The following OR4C15 variants were observed in gnomAD, a reference collection of about 807,000 sequenced individuals.
OR4C15 encodes the protein olfactory receptor 4C15.
For missense variants in OR4C15, 697 were observed against 377.5 expected, an observed-to-expected ratio of 1.85 and a Z score of -7.01; for synonymous variants, 216 against 134.0, an observed-to-expected ratio of 1.61 and a Z score of -4.22.
Position 55,554,720 on chromosome 11 carries a change from C to T in OR4C15, c.252C>T (p.Ser84=). 1.9e-6 allele frequency: 3 copies of T among 1,613,702 alleles called. No homozygotes were observed. Among genetic ancestry groups the T allele is most frequent in the South Asian group, 2.2e-5 (2 of 91,076 alleles). ...TCACCCCAAAGATGATTGTAGACTCCCTCTATGTGACAAAAACCATCTCTT... is the reference window on the plus strand; with the variant it reads ...TCACCCCAAAGATGATTGTAGACTCTCTCTATGTGACAAAAACCATCTCTT... ...SVITPKMIVD[S]LYVTKTISFE... The change falls in exon 1 of 1, where the codon TCC becomes TCT. Residue 84 remains serine, a synonymous_variant. Transcript: ENST00000642128.
rs143337123 is a variant in OR4C15, at chr11:55,554,974, G to T, written c.506G>T (p.Gly169Val). ...ILFTFQLPFC[G>V]PNVINHFMCD... ...TTTACTTTCCAGCTTCCCTTTTGTG[G>T]CCCCAATGTCATCAATCACTTTATG... The change falls in exon 1 of 1, where the codon GGC becomes GTC. Residue 169 changes from glycine to valine, a missense_variant. By Grantham distance (109) the Gly-to-Val change is moderately radical. Coordinates refer to ENST00000642128, the MANE Select transcript of OR4C15 (RefSeq NM_001001920.3). 1.2e-6 allele frequency: 2 copies of T among 1,613,750 alleles called. No individual in the cohort carries two copies. Among genetic ancestry groups the T allele is most frequent in the Non-Finnish European group, 1.7e-6 (2 of 1,179,924 alleles).
chr11:55,554,604 A>G lies in OR4C15; in HGVS notation c.136A>G (p.Thr46Ala). 6.2e-7 allele frequency: 1 copy of G among 1,613,894 alleles called. No individual in the cohort carries two copies. The highest frequency in any genetic ancestry group is 8.5e-7 in the Non-Finnish European group (1 of 1,179,946). Residue 46 changes from threonine to alanine, a missense_variant, in exon 1 of 1, where the codon ACC (threonine) becomes GCC (alanine). Thr to Ala is a moderately conservative substitution (Grantham distance 58). Coordinates refer to ENST00000642128, the MANE Select transcript of OR4C15 (RefSeq NM_001001920.3). ...TVGGNMLIVV[T>A]ILSSPALLVS... is the part of the protein sequence containing the mutation. ...TGGGGGCAACATGCTAATTGTAGTA[A>G]CCATTCTCAGCAGCCCTGCTCTTCT...
rs1296179175 is a variant in OR4C15 at position 55,554,885 on chromosome 11, C to T, written c.417C>T (p.Leu139=). 1.2e-6 allele frequency: 2 copies of T among 1,613,970 alleles called. No homozygotes were observed. Among genetic ancestry groups the T allele is most frequent in the Non-Finnish European group, 1.7e-6 (2 of 1,179,930 alleles). The change falls in exon 1 of 1, where the codon CTC becomes CTT. Residue 139 remains leucine, a synonymous_variant. Transcript: ENST00000642128. ...LHYSSIMNRR[L]CGILMGVAWT... is the part of the protein sequence containing the mutation. ...ACTCTTCTATCATGAACAGGAGGCT[C>T]TGTGGCATTCTGATGGGGGTAGCCT...
chr11:55,554,800 T>C lies in OR4C15; in HGVS notation c.332T>C (p.Val111Ala). The change falls in exon 1 of 1, where the codon GTG becomes GCG. Residue 111 changes from valine to alanine, a missense_variant. Coordinates refer to ENST00000642128, the MANE Select transcript of OR4C15 (RefSeq NM_001001920.3). The stretch of plus-strand genomic sequence containing the variant: ...GAACACTTCTTTGCTGGGGTGGAGG[T>C]GATTGTCCTCACAGCCATGGCCTAT... ...FAEHFFAGVE[V>A]IVLTAMAYDR... The C allele has an allele frequency of 6.2e-7, 1 of 1,613,860 alleles. No individual in the cohort carries two copies. The highest frequency in any genetic ancestry group is 8.5e-7 in the Non-Finnish European group (1 of 1,179,934).
chr11:55,555,243 C>T lies in OR4C15; in HGVS notation c.775C>T (p.Arg259Ter), dbSNP rs757876904. ...FFVPCIFVYT[R>*]PPSAFSLDKM... ...TGTCCCATGCATATTTGTATATACACGACCTCCATCTGCTTTTTCCCTTGA... is the reference window on the plus strand; with the variant it reads ...TGTCCCATGCATATTTGTATATACATGACCTCCATCTGCTTTTTCCCTTGA... The change falls in exon 1 of 1, where the codon CGA becomes TGA. Residue 259 changes from arginine (R) to a stop codon, truncating the protein, a stop_gained. Transcript: ENST00000642128. LOFTEE classifies it low-confidence loss of function (END_TRUNC). 40 of 1,613,710 alleles carry T rather than the reference C, an allele frequency of 2.5e-5. No individual in the cohort carries two copies. Among genetic ancestry groups the T allele is most frequent in the Admixed American group, 1.5e-4 (9 of 59,950 alleles).
Position 55,554,543 on chromosome 11 carries a change from A to G in OR4C15, c.75A>G (p.Val25=). The change falls in exon 1 of 1, where the codon GTA becomes GTG. Residue 25 remains valine (V), a synonymous_variant. Coordinates refer to ENST00000642128, the MANE Select transcript of OR4C15 (RefSeq NM_001001920.3). ...LSQNPNVQEI[V]FVVFLFVYIA... is the part of the protein sequence containing the mutation. The stretch of plus-strand genomic sequence containing the variant: ...AGAATCCAAATGTTCAGGAAATAGT[A>G]TTTGTTGTATTTTTGTTTGTCTACA... 1 of 1,613,946 alleles carries G rather than the reference A, an allele frequency of 6.2e-7. No individual in the cohort carries two copies. Among genetic ancestry groups the G allele is most frequent in the Non-Finnish European group, 8.5e-7 (1 of 1,179,936 alleles).
rs763512969 is a variant in OR4C15 at position 55,555,406 on chromosome 11, A to T, written c.938A>T (p.Asn313Ile). 1 of 1,574,804 alleles carries T rather than the reference A, an allele frequency of 6.3e-7. No individual in the cohort carries two copies. The highest frequency in any genetic ancestry group is 1.4e-5 in the African/African-American group (1 of 72,852). Residue 313 changes from asparagine to isoleucine, a missense_variant, in exon 1 of 1, where the codon AAT (asparagine) becomes ATT (isoleucine). Physicochemically the swap from Asn to Ile is moderately radical, Grantham distance 149. Transcript: ENST00000642128. Reference protein sequence around the residue: ...RLMVVSDEKENIKL With the variant: ...RLMVVSDEKEIIKL ...ATGGTGGTTTCTGATGAGAAAGAAA[A>T]TATTAAACTTTAAAAAATCCAAAGT...
chr11:55,555,118 A>C lies in OR4C15; in HGVS notation c.650A>C (p.Tyr217Ser). The C allele has an allele frequency of 6.2e-7, 1 of 1,613,908 alleles. No homozygotes were observed. Among genetic ancestry groups the C allele is most frequent in the Non-Finnish European group, 8.5e-7 (1 of 1,179,948 alleles). The change falls in exon 1 of 1, where the codon TAT becomes TCT. Residue 217 changes from tyrosine to serine, a missense_variant. Tyr to Ser is a moderately radical substitution (Grantham distance 144). Coordinates refer to ENST00000642128, the MANE Select transcript of OR4C15 (RefSeq NM_001001920.3). ...IINFSLLLVS[Y>S]AVILLSLRTH... is the part of the protein sequence containing the mutation. ...AACTTCTCCTTGTTGCTTGTCTCCT[A>C]TGCTGTCATCTTGCTCTCTCTGAGA...
In OR4C15 at chr11:55,554,866, C is replaced by T. The variant is rs1038885147; in HGVS notation, c.398C>T (p.Ser133Phe). ...VAICKPLHYS[S>F]IMNRRLCGIL... The stretch of plus-strand genomic sequence containing the variant: ...ATTTGCAAGCCCTTGCATTACTCTT[C>T]TATCATGAACAGGAGGCTCTGTGGC... The change falls in exon 1 of 1, where the codon TCT (serine) becomes TTT (phenylalanine). Residue 133 changes from serine (S) to phenylalanine (F), a missense_variant. Transcript: ENST00000642128. 1.9e-6 allele frequency: 3 copies of T among 1,613,974 alleles called. No homozygotes were observed. Among genetic ancestry groups the T allele is most frequent in the Non-Finnish European group, 2.5e-6 (3 of 1,179,938 alleles).
Position 55,554,635 on chromosome 11 carries a change from C to T in OR4C15, c.167C>T (p.Ser56Phe). Residue 56 changes from serine (S) to phenylalanine (F), a missense_variant, in exon 1 of 1, where the codon TCT (serine) becomes TTT (phenylalanine). By Grantham distance (155) the Ser-to-Phe change is radical (BLOSUM62 -2). Transcript: ENST00000642128. ...TILSSPALLVSPMYFFLGFLS... is the reference protein window; with the variant it reads ...TILSSPALLVFPMYFFLGFLS... ...CTCAGCAGCCCTGCTCTTCTGGTGT[C>T]TCCTATGTACTTCTTCTTGGGCTTC... 6.2e-7 allele frequency: 1 copy of T among 1,613,760 alleles called. No homozygotes were observed. Among genetic ancestry groups the T allele is most frequent in the Non-Finnish European group, 8.5e-7 (1 of 1,179,946 alleles).
chr11:55,554,587 A>T lies in OR4C15; in HGVS notation c.119A>T (p.Asn40Ile), dbSNP rs766651765. 6.2e-7 allele frequency: 1 copy of T among 1,613,872 alleles called. No homozygotes were observed. The highest frequency in any genetic ancestry group is 8.5e-7 in the Non-Finnish European group (1 of 1,179,964). The change falls in exon 1 of 1, where the codon AAC (asparagine) becomes ATC (isoleucine). Residue 40 changes from asparagine (N) to isoleucine (I), a missense_variant. Coordinates refer to ENST00000642128, the MANE Select transcript of OR4C15 (RefSeq NM_001001920.3). ...LFVYIATVGG[N>I]MLIVVTILSS... is the part of the protein sequence containing the mutation. The stretch of plus-strand genomic sequence containing the variant: ...GTCTACATTGCAACTGTTGGGGGCA[A>T]CATGCTAATTGTAGTAACCATTCTC...
Position 55,555,234 on chromosome 11 carries a change from G to T in OR4C15, c.766G>T (p.Val256Leu), listed in dbSNP as rs150782991. Residue 256 changes from valine to leucine, a missense_variant, in exon 1 of 1, where the codon GTA becomes TTA. By Grantham distance (32) the Val-to-Leu change is conservative (BLOSUM62 1). Coordinates refer to ENST00000642128, the MANE Select transcript of OR4C15 (RefSeq NM_001001920.3). ...VILFFVPCIF[V>L]YTRPPSAFSL... ...TTTGTTCTTTGTCCCATGCATATTT[G>T]TATATACACGACCTCCATCTGCTTT... is the stretch of plus-strand genomic sequence containing the variant. 2.2e-4 allele frequency: 360 copies of T among 1,613,674 alleles called. No individual in the cohort carries two copies. The highest frequency in any genetic ancestry group is 2.7e-4 in the Non-Finnish European group (314 of 1,179,918).
chr11:55,554,696 C>A lies in OR4C15; in HGVS notation c.228C>A (p.Ile76=), dbSNP rs1213191223. 1 of 1,613,534 alleles carries A rather than the reference C, an allele frequency of 6.2e-7. No homozygotes were observed. Among genetic ancestry groups the A allele is most frequent in the Admixed American group, 1.7e-5 (1 of 59,984 alleles). The change falls in exon 1 of 1, where the codon ATC becomes ATA. Residue 76 remains isoleucine, a synonymous_variant. Coordinates refer to ENST00000642128, the MANE Select transcript of OR4C15 (RefSeq NM_001001920.3). ...TGGATGCGTGCTTCTCATCTGTCAT[C>A]ACCCCAAAGATGATTGTAGACTCCC... is the stretch of plus-strand genomic sequence containing the variant. ...SFLDACFSSV[I]TPKMIVDSLY...
rs1565045907 is a variant in OR4C15, at chr11:55,555,077, GT to G, written c.612del (p.Phe204LeufsTer5). ...FGLMVVINSGFICIINFSLLL... is the reference protein window; with the variant it reads ...FGLMVVINSGXICIINFSLLL... ...GCCTCATGGTGGTCATCAACAGTGG[GT>G]TTATCTGCATCATAAACTTCTCCTT... On this transcript the variant is annotated frameshift_variant, in exon 1 of 1. Coordinates refer to ENST00000642128, the MANE Select transcript of OR4C15 (RefSeq NM_001001920.3). LOFTEE classifies it low-confidence loss of function (END_TRUNC). 1 of 1,613,844 alleles carries G rather than the reference GT, an allele frequency of 6.2e-7. No homozygotes were observed. Among genetic ancestry groups the G allele is most frequent in the Admixed American group, 1.7e-5 (1 of 59,924 alleles).
In OR4C15 at chr11:55,555,030, T is replaced by C; in HGVS notation, c.562T>C (p.Cys188Arg). 4 of 1,613,922 alleles carry C rather than the reference T, an allele frequency of 2.5e-6. No individual in the cohort carries two copies. Among genetic ancestry groups the C allele is most frequent in the Non-Finnish European group, 3.4e-6 (4 of 1,179,936 alleles). ...CTTGTACCCGTTACTGGAGCTTGCC[T>C]GCACTGATACTCACATCTTTGGCCT... ...CDLYPLLELA[C>R]TDTHIFGLMV... is the part of the protein sequence containing the mutation. Residue 188 changes from cysteine to arginine, a missense_variant, in exon 1 of 1, where the codon TGC becomes CGC. Cys to Arg is a radical substitution (Grantham distance 180). Coordinates refer to ENST00000642128, the MANE Select transcript of OR4C15 (RefSeq NM_001001920.3).
chr11:55,555,277 C>T lies in OR4C15; in HGVS notation c.809C>T (p.Ala270Val), dbSNP rs372897529. 174 of 1,613,820 alleles carry T rather than the reference C, an allele frequency of 1.1e-4. 1 individual carries two copies. The highest frequency in any genetic ancestry group is 1.6e-4 in the East Asian group (7 of 44,860). The change falls in exon 1 of 1, where the codon GCG (alanine) becomes GTG (valine). Residue 270 changes from alanine to valine, a missense_variant. By Grantham distance (64) the Ala-to-Val change is moderately conservative (BLOSUM62 0). Transcript: ENST00000642128. ...TCTGCTTTTTCCCTTGACAAAATGG[C>T]GGCAATATTTTATATCATCTTAAAT... ...PPSAFSLDKM[A>V]AIFYIILNPL...
At position 55,554,599 on chromosome 11, in the gene OR4C15, T is replaced by C. The variant is rs763995299; in HGVS notation, c.131T>C (p.Val44Ala). 8 of 1,613,988 alleles carry C rather than the reference T, an allele frequency of 5.0e-6. No homozygotes were observed. The highest frequency in any genetic ancestry group is 6.8e-6 in the Non-Finnish European group (8 of 1,179,952). The change falls in exon 1 of 1, where the codon GTA becomes GCA. Residue 44 changes from valine (V) to alanine (A), a missense_variant. Physicochemically the swap from Val to Ala is moderately conservative, Grantham distance 64. Transcript: ENST00000642128. ...ACTGTTGGGGGCAACATGCTAATTG[T>C]AGTAACCATTCTCAGCAGCCCTGCT... ...IATVGGNMLI[V>A]VTILSSPALL...
Position 55,555,286 on chromosome 11 carries a change from T to C in OR4C15, c.818T>C (p.Phe273Ser). 6.2e-7 allele frequency: 1 copy of C among 1,613,956 alleles called. No individual in the cohort carries two copies. The highest frequency in any genetic ancestry group is 8.5e-7 in the Non-Finnish European group (1 of 1,179,924). ...TCCCTTGACAAAATGGCGGCAATATTTTATATCATCTTAAATCCCTTGCTC... is the reference window on the plus strand; with the variant it reads ...TCCCTTGACAAAATGGCGGCAATATCTTATATCATCTTAAATCCCTTGCTC... Reference protein sequence around the residue: ...AFSLDKMAAIFYIILNPLLNP... With the variant: ...AFSLDKMAAISYIILNPLLNP... The change falls in exon 1 of 1, where the codon TTT becomes TCT. Residue 273 changes from phenylalanine (F) to serine (S), a missense_variant. By Grantham distance (155) the Phe-to-Ser change is radical (BLOSUM62 -2). Coordinates refer to ENST00000642128, the MANE Select transcript of OR4C15 (RefSeq NM_001001920.3).
In OR4C15 at chr11:55,554,990, T is replaced by C; in HGVS notation, c.522T>C (p.Asn174=). The change falls in exon 1 of 1, where the codon AAT becomes AAC. Residue 174 remains asparagine, a synonymous_variant. Coordinates refer to ENST00000642128, the MANE Select transcript of OR4C15 (RefSeq NM_001001920.3). ...CCTTTTGTGGCCCCAATGTCATCAA[T>C]CACTTTATGTGTGACTTGTACCCGT... ...QLPFCGPNVI[N]HFMCDLYPLL... is the part of the protein sequence containing the mutation. 6.2e-7 allele frequency: 1 copy of C among 1,613,882 alleles called. No homozygotes were observed. The highest frequency in any genetic ancestry group is 8.5e-7 in the Non-Finnish European group (1 of 1,179,922).
Sources: allele counts gnomAD v4.1 joint callset, GRCh38; gene constraint gnomAD v4.1.1; transcripts MANE v1.5; gene names NCBI Gene and HGNC (gene_info 2026-07-23, HGNC 2026-07-21).